COPZ1: variants seen among roughly 807,000 people sequenced by gnomAD.
COPZ1 encodes the protein coatomer subunit zeta-1.
In COPZ1, 4 loss-of-function variants were observed where a neutral mutation model predicts 31.7. That is an observed-to-expected ratio of 0.13 (90% CI 0.06 to 0.29). The LOEUF is 0.29. COPZ1 is among the 10% of genes least tolerant of loss of function. COPZ1 has a pLI of 1.00. For synonymous variants in COPZ1, 74 were observed against 79.0 expected, an observed-to-expected ratio of 0.94 and a Z score of 0.33; for missense variants, 156 against 211.5, an observed-to-expected ratio of 0.74 and a Z score of 1.63.
At chr12:54,345,357 A>G in intron 4 of COPZ1, 103 bp from the exon 5 acceptor site, 1 of 772,556 alleles carries the variant, frequency 1.3e-6, no homozygotes. Flanking sequence ...CCTTTGTGAA[A>G]GCCTGTGTCT....
In COPZ1 at chr12:54,351,170, G is replaced by T. The variant is rs1954140995; in HGVS notation, c.*647G>T. The T allele has an allele frequency of 6.5e-6, 1 of 153,336 alleles. No homozygotes were observed. Among genetic ancestry groups the T allele is most frequent in the African/African-American group, 2.4e-5 (1 of 41,440 alleles). The allele number at this position is 153,336 out of a possible 1,614,324, so 9.5% of individuals were successfully genotyped here. A position where few individuals can be genotyped will look rare whatever the true frequency, so the allele number is the denominator to read the frequency against. ...GAACAGGGCATATAAAATGCATTCT[G>T]TACCCTGATCTGGCATATAGCTTCA... On this transcript the variant is annotated 3_prime_UTR_variant, in exon 9 of 9. Transcript: ENST00000262061.
rs527256772 is a variant in COPZ1 at position 54,336,421 on chromosome 12, G to A, written c.19-4126G>A. ...CCGGGCATGGTGGCAGGTGCGTGTA[G>A]TCCCAGCTACTCGGGAGGCTGAAGC... On this transcript the variant is annotated intron_variant, in intron 1 of 8. Coordinates refer to ENST00000262061, the MANE Select transcript of COPZ1 (RefSeq NM_016057.3). Among the ~76,000 whole-genome samples the A allele has an allele frequency of 1.1e-3, 160 of 151,914 alleles. 1 individual carries two copies. The highest frequency in any genetic ancestry group is 3.6e-3 in the African/African-American group (150 of 41,432).
At chr12:54,339,980 CGTGTGTGTGTGTGTGT>C (rs10522684) in intron 1 of COPZ1, among the ~76,000 whole-genome samples, 30 of 142,164 alleles carry the variant, frequency 2.1e-4, no homozygotes, top group Middle Eastern at 3.7e-3. Context: ...TGTGCCTGTG[CGTGTGTGTGTGTGTGT>C]GTGTGTGTGT....
intron 4 of COPZ1, among the ~76,000 whole-genome samples, chr12:54,343,521 T>C (rs991663989): frequency 9.2e-5 from 14 of 152,228 alleles, no homozygotes; most frequent in Admixed American, 6.5e-4. Context: ...GATTAATCTT[T>C]TGCATCCATT....
chr12:54,329,443 C>T (rs980332007), intron 1 of COPZ1, among the ~76,000 whole-genome samples: 2 of 151,924 alleles, frequency 1.3e-5, no homozygotes, highest in South Asian at 2.1e-4. Flanking sequence ...ATTAGCTGGG[C>T]GTGGTGGCAT....
At chr12:54,340,769 T>C (rs1206171387) in intron 2 of COPZ1, among the ~76,000 whole-genome samples, 154 bp downstream of exon 2, 1 of 152,028 alleles carries the variant, frequency 6.6e-6, no homozygotes, top group Non-Finnish European at 1.5e-5. Context: ...TTCGCTCTTA[T>C]CACCCAGGCT....
chr12:54,349,637 T>G lies in COPZ1; in HGVS notation c.465T>G (p.Leu155=). Residue 155 remains leucine, a synonymous_variant, in exon 8 of 9, where the codon CTT becomes CTG. Transcript: ENST00000262061. ...RVALRGEDVP[L]TEQTVSQVLQ... ...TGCCATAGGGTGAAGATGTCCCCCT[T>G]ACGGAGCAGACCGTGTCTCAGGTAT... 6.2e-7 allele frequency: 1 copy of G among 1,613,260 alleles called. No homozygotes were observed. The highest frequency in any genetic ancestry group is 8.5e-7 in the Non-Finnish European group (1 of 1,179,210).
chr12:54,339,557 C>A (rs1401890254), intron 1 of COPZ1, among the ~76,000 whole-genome samples: 2 of 151,960 alleles, frequency 1.3e-5, no homozygotes, highest in Non-Finnish European at 2.9e-5. Flanking sequence ...CCTGTGTTTC[C>A]CAGGCTGGTC....
intron 2 of COPZ1, among the ~76,000 whole-genome samples, chr12:54,340,989 A>G (rs188964543): frequency 1.3e-3 from 201 of 152,246 alleles, no homozygotes; most frequent in African/African-American, 4.5e-3. Context: ...GTGAGCCACC[A>G]CACCCGGCCT....
chr12:54,328,699 G>T (rs1240998091), intron 1 of COPZ1, among the ~76,000 whole-genome samples: 1 of 152,194 alleles, frequency 6.6e-6, no homozygotes, highest in Non-Finnish European at 1.5e-5. Flanking sequence ...CTAATAGGCT[G>T]CATTCACAGA....
intron 8 of COPZ1, chr12:54,350,126 G>A (rs967260759): frequency 7.9e-6 from 5 of 634,674 alleles, no homozygotes; most frequent in Admixed American, 5.1e-5. Flanking sequence ...GAGGGGTTCC[G>A]TTTTCTACCC....
intron 1 of COPZ1, chr12:54,337,186 C>T (rs781649669): frequency 2.6e-5 from 14 of 533,418 alleles, no homozygotes; most frequent in South Asian, 1.7e-4. Flanking sequence ...ACCCAATCTC[C>T]CACAAAACAA....
intron 4 of COPZ1, among the ~76,000 whole-genome samples, chr12:54,345,252 T>A (rs967853146): frequency 4.6e-5 from 7 of 152,242 alleles, no homozygotes; most frequent in Non-Finnish European, 1.0e-4. Flanking sequence ...GGCTAAAAGA[T>A]GTTGAATTGT....
intron 1 of COPZ1, among the ~76,000 whole-genome samples, chr12:54,328,966 T>C (rs1169465219): frequency 6.6e-6 from 1 of 152,188 alleles, no homozygotes; most frequent in Non-Finnish European, 1.5e-5. Context: ...TTCCCTTCTT[T>C]TAGGTACTTT....
At chr12:54,326,961 CTTTTTTTTTTTTTTTTTTTTTTTT>C (rs60827109) in intron 1 of COPZ1, among the ~76,000 whole-genome samples, 1,825 of 43,576 alleles carry the variant, frequency 0.042, 49 homozygotes, top group Non-Finnish European at 0.064. Flanking sequence ...AACAAGTATT[CTTTTTTTTTTTTTTTTTTTTTTTT>C]TTTTTTTTTT....
rs1436014540 is a variant in COPZ1, at chr12:54,341,236, G to T, written c.87+621G>T. On this transcript the variant is annotated intron_variant, in intron 2 of 8. Coordinates refer to ENST00000262061, the MANE Select transcript of COPZ1 (RefSeq NM_016057.3). ...CCTCATACCATGTCACCCTGCCTGG[G>T]TTTTTCCAGAGAATTGTCTTGCAGT... Among the ~76,000 whole-genome samples the T allele has an allele frequency of 2.6e-5, 4 of 152,022 alleles. No homozygotes were observed. The East Asian group carries it at 7.7e-4, about 29-fold the overall frequency.
At chr12:54,350,246 G>C (rs751462280) in intron 8 of COPZ1, 4 of 706,854 alleles carry the variant, frequency 5.7e-6, no homozygotes, top group Non-Finnish European at 7.7e-6. Flanking sequence ...TTTATACCAG[G>C]TATACCTCTT....
intron 7 of COPZ1, 111 bp downstream of exon 7, chr12:54,348,162 T>G: frequency 1.2e-6 from 1 of 866,650 alleles, no homozygotes; most frequent in South Asian, 1.5e-5. Flanking sequence ...CATACAACCT[T>G]CTCTTTTTCT....
chr12:54,343,174 T>C, intron 3 of COPZ1, 51 bp from the exon 4 acceptor site: 1 of 1,429,146 alleles, frequency 7.0e-7, no homozygotes, highest in Non-Finnish European at 9.9e-7. Flanking sequence ...CCTTCTTTCC[T>C]ACTTCCTTAT....
Sources: allele counts gnomAD v4.1 joint callset (sites outside exome capture counted in the v4.1 genomes callset), GRCh38; gene constraint gnomAD v4.1.1; transcripts MANE v1.5; gene names NCBI Gene and HGNC (gene_info 2026-07-23, HGNC 2026-07-21).